Variants in SV2B observed in about 807,000 individuals in gnomAD.
SV2B encodes the protein solute carrier family 22 member B2.
In SV2B, 41 loss-of-function variants were observed where a neutral mutation model predicts 73.9. The observed-to-expected ratio is 0.56, with a 90% CI of 0.43 to 0.72. The LOEUF (loss-of-function observed/expected upper bound fraction) is 0.72. Among genes scored for constraint, SV2B ranks in the 30% least tolerant of loss-of-function variants. The pLI, the probability that SV2B is intolerant of heterozygous loss-of-function variation, is 0.00. For missense variants in SV2B, 764 were observed against 857.8 expected (o/e 0.89, Z 1.37); for synonymous variants, 314 against 314.2 (o/e 1.00, Z 0.01).
Position 91,112,354 on chromosome 15 carries a change from A to G in SV2B, c.-392+11991A>G, listed in dbSNP as rs114258522. Among the ~76,000 whole-genome samples, 766 of 152,272 alleles carry G rather than the reference A, an allele frequency of 5.0e-3. 8 individuals carry two copies. Among genetic ancestry groups the G allele is most frequent in the African/African-American group, 0.018 (736 of 41,534 alleles). ...GCCGCTGTCCTGTGCTTCAGCCACG[A>G]TGTGTGGCCGGGTGTGAATTAAGCA... is the stretch of plus-strand genomic sequence containing the variant. On this transcript the variant is annotated intron_variant, in intron 1 of 12. Coordinates refer to ENST00000394232, the MANE Select transcript of SV2B (RefSeq NM_001323032.3).
rs1287785673 is a variant in SV2B, at chr15:91,293,650, G to A, written c.*1098G>A. The A allele has an allele frequency of 6.6e-6, 1 of 152,244 alleles. No homozygotes were observed. The highest frequency in any genetic ancestry group is 1.5e-5 in the Non-Finnish European group (1 of 68,040). 9.4% of individuals were successfully genotyped at this position (152,244 alleles called of 1,614,324 possible). A position where few individuals can be genotyped will look rare whatever the true frequency, so the allele number is the denominator to read the frequency against. On this transcript the variant is annotated 3_prime_UTR_variant, in exon 13 of 13. Coordinates refer to ENST00000394232, the MANE Select transcript of SV2B (RefSeq NM_001323032.3). Reference sequence around the variant, plus strand: ...AAGAATCAAACAACATGGGGACTGAGGGAAGGATGGGGAAGTGTAGCCACA... The same window carrying A: ...AAGAATCAAACAACATGGGGACTGAAGGAAGGATGGGGAAGTGTAGCCACA...
At chr15:91,154,565 T>C (rs748702745) in intron 1 of SV2B, among the ~76,000 whole-genome samples, 1 of 152,204 alleles carries the variant, frequency 6.6e-6, no homozygotes, top group African/African-American at 2.4e-5. Flanking sequence ...ATGACCTTAT[T>C]TAGATACGGG....
At chr15:91,213,792 T>C (rs552797753) in intron 1 of SV2B, among the ~76,000 whole-genome samples, 1 of 152,320 alleles carries the variant, frequency 6.6e-6, no homozygotes, top group East Asian at 1.9e-4. Context: ...TGTTATGTTA[T>C]TGATGGTAGC....
At chr15:91,112,631 AG>A (rs1278990271) in intron 1 of SV2B, among the ~76,000 whole-genome samples, 1 of 152,232 alleles carries the variant, frequency 6.6e-6, no homozygotes, top group African/African-American at 2.4e-5. Flanking sequence ...TTTCTTGGGT[AG>A]TTACCTGGAT....
chr15:91,243,300 C>T (rs577465061), intron 2 of SV2B, among the ~76,000 whole-genome samples: 1 of 152,282 alleles, frequency 6.6e-6, no homozygotes, highest in African/African-American at 2.4e-5. Context: ...ACCCGTCTCA[C>T]CTGGAGTCAT....
intron 4 of SV2B, among the ~76,000 whole-genome samples, chr15:91,256,613 GC>G (rs1228573563): frequency 6.6e-6 from 1 of 152,134 alleles, no homozygotes; most frequent in African/African-American, 2.4e-5. Flanking sequence ...GAAAGGAAAG[GC>G]TTTTTAATTA....
rs766111836 is a variant in SV2B, at chr15:91,137,569, A to G, written c.-392+37206A>G. ...ACAGGACAAAACTAGGAAAATGTGA[A>G]ATATATATATATATATTTCTCATAT... is the stretch of plus-strand genomic sequence containing the variant. On this transcript the variant is annotated intron_variant, in intron 1 of 12. Transcript: ENST00000394232. The surrounding 1 kb of genome is among the most constrained non-coding windows in gnomAD (Gnocchi z 4.9). Among the ~76,000 whole-genome samples, 93 of 132,898 alleles carry G rather than the reference A, an allele frequency of 7.0e-4. 1 individual carries two copies. The highest frequency in any genetic ancestry group is 1.2e-3 in the Non-Finnish European group (74 of 61,934). 87.2% of individuals were successfully genotyped at this position (132,898 alleles called of 152,430 possible).
rs2049266772 is a variant in SV2B, at chr15:91,296,926, C to CGATCGTTGGGCGCACGCTCCTTCTGCCT, written c.*4384_*4385insCGCACGCTCCTTCTGCCTGATCGTTGGG. 4.1e-5 allele frequency: 5 copies of CGATCGTTGGGCGCACGCTCCTTCTGCCT among 123,204 alleles called. No individual in the cohort carries two copies. The highest frequency in any genetic ancestry group is 5.3e-4 in the South Asian group (2 of 3,778). The allele number at this position is 123,204 out of a possible 1,614,324, so 7.6% of individuals were successfully genotyped here. A position where few individuals can be genotyped will look rare whatever the true frequency, so the allele number is the denominator to read the frequency against. ...TCGTTGGGCGCATGCTCCTTCTGCCCGATCGTTGGGAGCACGCTCATTCTG... is the reference window on the plus strand; with the variant it reads ...TCGTTGGGCGCATGCTCCTTCTGCCCGATCGTTGGGCGCACGCTCCTTCTGCCTGATCGTTGGGAGCACGCTCATTCTG... On this transcript the variant is annotated 3_prime_UTR_variant, in exon 13 of 13. Coordinates refer to ENST00000394232, the MANE Select transcript of SV2B (RefSeq NM_001323032.3).
At position 91,193,505 on chromosome 15, in the gene SV2B, G is replaced by A. The variant is rs145852241; in HGVS notation, c.-391-32368G>A. ...TCCTTCTCTTTCTTGGAGCAGAGCA[G>A]ATGGTGACTTCACTTGCCAGACCTA... On this transcript the variant is annotated intron_variant, in intron 1 of 12. Coordinates refer to ENST00000394232, the MANE Select transcript of SV2B (RefSeq NM_001323032.3). Among the ~76,000 whole-genome samples the A allele has an allele frequency of 1.8e-4, 27 of 152,328 alleles. No individual in the cohort carries two copies. In the East Asian group the frequency reaches 5.2e-3, roughly 29 times the overall value.
chr15:91,186,234 C>A (rs545558152), intron 1 of SV2B, among the ~76,000 whole-genome samples: 1 of 152,100 alleles, frequency 6.6e-6, no homozygotes, highest in South Asian at 2.1e-4. Flanking sequence ...AACTTCAGGG[C>A]CTCTGGAGAA....
chr15:91,108,296 C>G (rs2041944815), intron 1 of SV2B, among the ~76,000 whole-genome samples: 1 of 152,192 alleles, frequency 6.6e-6, no homozygotes. Flanking sequence ...CAGAGGAAAA[C>G]TAACCTCCCT....
intron 1 of SV2B, among the ~76,000 whole-genome samples, chr15:91,167,178 T>C (rs576358505): frequency 2.0e-5 from 3 of 152,230 alleles, no homozygotes; most frequent in Non-Finnish European, 2.9e-5. Flanking sequence ...ACCATTATTT[T>C]ATGGAATATG....
intron 9 of SV2B, among the ~76,000 whole-genome samples, chr15:91,271,037 G>A (rs1048245008): frequency 4.0e-5 from 6 of 150,370 alleles, no homozygotes; most frequent in African/African-American, 1.5e-4. Context: ...ATCGGAGGAC[G>A]GTGAGTCCTG....
Position 91,197,475 on chromosome 15 carries a change from C to T in SV2B, c.-391-28398C>T, listed in dbSNP as rs528205256. On this transcript the variant is annotated intron_variant, in intron 1 of 12. Coordinates refer to ENST00000394232, the MANE Select transcript of SV2B (RefSeq NM_001323032.3). The surrounding 1 kb of genome is among the most constrained non-coding windows in gnomAD (Gnocchi z 4.9). ...CCGACTTCAGGTCATCCACCTGCCTCGGCCTCCCATAGTGCTGGGATTACA... is the reference window on the plus strand; with the variant it reads ...CCGACTTCAGGTCATCCACCTGCCTTGGCCTCCCATAGTGCTGGGATTACA... Among the ~76,000 whole-genome samples the T allele has an allele frequency of 1.8e-4, 28 of 151,720 alleles. No homozygotes were observed. The highest frequency in any genetic ancestry group is 5.9e-4 in the East Asian group (3 of 5,080).
chr15:91,179,346 G>A (rs1172781134), intron 1 of SV2B, among the ~76,000 whole-genome samples: 1 of 152,090 alleles, frequency 6.6e-6, no homozygotes, highest in Non-Finnish European at 1.5e-5. Context: ...GTGTGGTGTG[G>A]TGCTGAAAAA....
chr15:91,274,406 G>T (rs2048416075), intron 9 of SV2B, among the ~76,000 whole-genome samples: 1 of 152,110 alleles, frequency 6.6e-6, no homozygotes, highest in South Asian at 2.1e-4. Flanking sequence ...ATTTTTTGAA[G>T]GTTTGGTAAA....
rs1188472313 is a variant in SV2B, at chr15:91,106,504, A to G, written c.-392+6141A>G. On this transcript the variant is annotated intron_variant, in intron 1 of 12. Coordinates refer to ENST00000394232, the MANE Select transcript of SV2B (RefSeq NM_001323032.3). This position sits in a 1 kb window ranked among gnomAD's most constrained non-coding sequence, Gnocchi z 4.4. Reference sequence around the variant, plus strand: ...TGGATTTTGAAGTGTAACTCCTTGAAGTTATTTCCTTTCTTTACAAGGTCT... The same window carrying G: ...TGGATTTTGAAGTGTAACTCCTTGAGGTTATTTCCTTTCTTTACAAGGTCT... 1.3e-5 allele frequency among the ~76,000 whole-genome samples: 2 copies of G among 150,568 alleles called. No individual in the cohort carries two copies. Among genetic ancestry groups the G allele is most frequent in the Non-Finnish European group, 3.0e-5 (2 of 67,652 alleles).
intron 1 of SV2B, among the ~76,000 whole-genome samples, chr15:91,173,011 G>C (rs2044177254): frequency 6.6e-6 from 1 of 152,064 alleles, no homozygotes; most frequent in Non-Finnish European, 1.5e-5. Flanking sequence ...TGTGATAAGT[G>C]CTTTGAAAGA....
chr15:91,214,161 G>A lies in SV2B; in HGVS notation c.-391-11712G>A, dbSNP rs961444575. ...TTCCGGATCTCTAGAGGAGGGAGCT[G>A]GCATGGACTGGTGGAGTGGGGTAGT... On this transcript the variant is annotated intron_variant, in intron 1 of 12. Transcript: ENST00000394232. This position sits in a 1 kb window ranked among gnomAD's most constrained non-coding sequence, Gnocchi z 4.7. Among the ~76,000 whole-genome samples the A allele has an allele frequency of 1.3e-5, 2 of 152,188 alleles. No individual in the cohort carries two copies. Among genetic ancestry groups the A allele is most frequent in the East Asian group, 1.9e-4 (1 of 5,200 alleles).
Sources: allele counts gnomAD v4.1 joint callset (sites outside exome capture counted in the v4.1 genomes callset), GRCh38; gene constraint gnomAD v4.1.1; non-coding constraint Gnocchi (gnomAD v3.1); transcripts MANE v1.5; gene names NCBI Gene and HGNC (gene_info 2026-07-23, HGNC 2026-07-21).